USP16: variants seen among roughly 807,000 people sequenced by gnomAD.
USP16 encodes the protein ubiquitin specific peptidase 16, also known as ubiquitin carboxyl-terminal hydrolase 16.
A neutral mutation model predicts 95.9 loss-of-function variants in USP16; 77 were observed. The ratio of observed to expected loss-of-function variants is 0.80; its 90% CI spans 0.67 to 0.97. The LOEUF is 0.97. USP16 is among the 50% of genes least tolerant of loss of function. USP16 has a pLI of 0.00. For synonymous variants in USP16, 303 were observed against 318.2 expected, an observed-to-expected ratio of 0.95 and a Z score of 0.51; for missense variants, 943 against 959.9, an observed-to-expected ratio of 0.98 and a Z score of 0.23.
At chr21:29,050,022 G>T in intron 15 of USP16, 70 bp from the exon 16 acceptor site, 1 of 1,372,058 alleles carries the variant, frequency 7.3e-7, no homozygotes, top group Non-Finnish European at 1.0e-6. Flanking sequence ...ACGTCGGAGG[G>T]GACTTCGGTT....
intron 3 of USP16, among the ~76,000 whole-genome samples, chr21:29,033,744 G>A (rs146674724): frequency 1.3e-5 from 2 of 152,288 alleles, no homozygotes; most frequent in South Asian, 2.1e-4. Context: ...TATCAATAAC[G>A]TTAGTACAAG....
intron 3 of USP16, among the ~76,000 whole-genome samples, chr21:29,032,368 A>G (rs1224791011): frequency 1.3e-5 from 2 of 151,970 alleles, no homozygotes; most frequent in African/African-American, 4.8e-5. Context: ...AGTAGCTGGG[A>G]CTACACCTGC....
chr21:29,046,334 G>T (rs2085322873), intron 13 of USP16, among the ~76,000 whole-genome samples: 1 of 151,936 alleles, frequency 6.6e-6, no homozygotes, highest in East Asian at 1.9e-4. Context: ...TAGAGATGGG[G>T]TCTCAGTATG....
intron 16 of USP16, among the ~76,000 whole-genome samples, chr21:29,051,928 C>A (rs2085421127): frequency 6.6e-6 from 1 of 151,862 alleles, no homozygotes; most frequent in Non-Finnish European, 1.5e-5. Context: ...AGGACTATGA[C>A]AAGGTACATG....
chr21:29,052,762 TTA>T (rs1017734383), intron 16 of USP16: 2 of 152,080 alleles, frequency 1.3e-5, no homozygotes, highest in Non-Finnish European at 2.9e-5. Flanking sequence ...AAAATAAGAT[TTA>T]TGTCCCTTCA....
At chr21:29,029,775 C>T (rs1198767637) in intron 2 of USP16, among the ~76,000 whole-genome samples, 1 of 152,186 alleles carries the variant, frequency 6.6e-6, no homozygotes, top group Non-Finnish European at 1.5e-5. Context: ...TTGCCCTTCA[C>T]TCCCTGAGGT....
intron 5 of USP16, 101 bp from the exon 6 acceptor site, chr21:29,037,175 C>T (rs901788212): frequency 7.4e-6 from 5 of 673,368 alleles, no homozygotes; most frequent in Non-Finnish European, 1.1e-5. Context: ...GAAAGAATGA[C>T]TTCAGGTAAA....
At chr21:29,045,615 A>G (rs1435687425) in intron 13 of USP16, among the ~76,000 whole-genome samples, 1 of 150,412 alleles carries the variant, frequency 6.6e-6, no homozygotes, top group African/African-American at 2.5e-5. Flanking sequence ...ATATGGATAC[A>G]TTTCTTTCTG....
intron 4 of USP16, among the ~76,000 whole-genome samples, chr21:29,035,142 A>G (rs1417545762): frequency 6.6e-6 from 1 of 152,210 alleles, no homozygotes; most frequent in African/African-American, 2.4e-5. Flanking sequence ...ATTGTAACAT[A>G]GAAGACTTAA....
intron 9 of USP16, 109 bp downstream of exon 9, chr21:29,039,677 T>C: frequency 9.1e-7 from 1 of 1,103,152 alleles, no homozygotes; most frequent in Non-Finnish European, 1.2e-6. Context: ...AAGGCCATCA[T>C]ACTTTAAAAT....
At chr21:29,042,170 C>A in intron 11 of USP16, 66 bp downstream of exon 11, 1 of 1,402,486 alleles carries the variant, frequency 7.1e-7, no homozygotes, top group Non-Finnish European at 9.9e-7. Context: ...TTGTTTATTT[C>A]AAAAGCAGAA....
intron 12 of USP16, 75 bp downstream of exon 12, chr21:29,042,603 T>C: frequency 2.9e-6 from 4 of 1,361,952 alleles, no homozygotes; most frequent in Non-Finnish European, 4.1e-6. Flanking sequence ...GCCTTGTTAC[T>C]CTTTTTAAGT....
chr21:29,043,988 A>G (rs1395794871), intron 13 of USP16, among the ~76,000 whole-genome samples: 1 of 152,016 alleles, frequency 6.6e-6, no homozygotes, highest in Non-Finnish European at 1.5e-5. Flanking sequence ...GCCAGAGTGC[A>G]GTGGCACGAT....
rs138129745 is a variant in USP16, at chr21:29,040,610, G to T, written c.953G>T (p.Arg318Ile). 5.5e-6 allele frequency: 8 copies of T among 1,458,292 alleles called. No homozygotes were observed. Among genetic ancestry groups the T allele is most frequent in the South Asian group, 1.2e-5 (1 of 81,000 alleles). 90.3% of individuals were successfully genotyped at this position (1,458,292 alleles called of 1,614,324 possible). ...LDGMRAEEHQ[R>I]VSKGILKAFG... ...ATATATCCATTTTATTACTTTTAGAGAGTGAGTAAAGGAATACTTAAAGCA... is the reference window on the plus strand; with the variant it reads ...ATATATCCATTTTATTACTTTTAGATAGTGAGTAAAGGAATACTTAAAGCA... Residue 318 changes from arginine (R) to isoleucine (I), a missense_variant and splice_region_variant, in exon 10 of 18, where the codon AGA becomes ATA. Physicochemically the swap from Arg to Ile is moderately conservative, Grantham distance 97. Transcript: ENST00000399976.
chr21:29,028,055 A>G, intron 2 of USP16, 81 bp downstream of exon 2: 1 of 1,057,756 alleles, frequency 9.5e-7, no homozygotes, highest in South Asian at 1.4e-5. Flanking sequence ...ATAAAGCTGC[A>G]TATTATTGTT....
At position 29,053,929 on chromosome 21, in the gene USP16, A is replaced by ATC; in HGVS notation, c.2323_2324dup (p.Val776LeufsTer36). On this transcript the variant is annotated frameshift_variant, in exon 17 of 18. Transcript: ENST00000399976. LOFTEE classifies it high-confidence loss of function. ...AGAACCGCAAATAGTCATCTCTCTA[A>ATC]TCTTGTTCTTCACGGTGATATTCCA... 1 of 1,614,228 alleles carries ATC rather than the reference A, an allele frequency of 6.2e-7. No homozygotes were observed. The highest frequency in any genetic ancestry group is 8.5e-7 in the Non-Finnish European group (1 of 1,180,034).
chr21:29,043,608 T>C lies in USP16; in HGVS notation c.1356+9T>C. 1 of 1,527,062 alleles carries C rather than the reference T, an allele frequency of 6.5e-7. No individual in the cohort carries two copies. The highest frequency in any genetic ancestry group is 2.4e-5 in the Admixed American group (1 of 42,446). 94.6% of individuals were successfully genotyped at this position (1,527,062 alleles called of 1,614,324 possible). A position where few individuals can be genotyped will look rare whatever the true frequency, so the allele number is the denominator to read the frequency against. ...CCAAAAAGCAAGCCAAGGTGGGTAA[T>C]TAGGAGGAAAATCATATGCTTGTAA... On this transcript the variant is annotated intron_variant, in intron 13 of 17. Transcript: ENST00000399976.
chr21:29,051,597 G>C (rs779373110), intron 16 of USP16, among the ~76,000 whole-genome samples: 1 of 152,190 alleles, frequency 6.6e-6, no homozygotes, highest in Admixed American at 6.5e-5. Context: ...TTGGGAGGCC[G>C]AGGCGGGTGG....
intron 1 of USP16, chr21:29,024,990 C>T (rs947493674): frequency 4.9e-6 from 2 of 405,628 alleles, no homozygotes; most frequent in Non-Finnish European, 8.2e-6. Context: ...GCGGCCTTCT[C>T]GACCCCGTGG....
Sources: gnomAD v4.1 joint callset for allele counts (sites outside exome capture counted in the v4.1 genomes callset) on GRCh38, gnomAD v4.1.1 for gene constraint, MANE v1.5 for transcripts, NCBI Gene and HGNC (gene_info 2026-07-23, HGNC 2026-07-21) for gene names.